Variants in MROH9 observed in about 807,000 individuals in gnomAD.
MROH9 encodes the protein maestro heat-like repeat-containing protein family member 9.
MROH9 carries 92 observed loss-of-function variants against 98.2 expected under a neutral mutation model. That is an observed-to-expected ratio of 0.94 (90% CI 0.79 to 1.11). The LOEUF (loss-of-function observed/expected upper bound fraction) is 1.11, where lower values mean the gene tolerates loss of function less well. Among genes scored for constraint, MROH9 ranks in the 50% most tolerant of loss-of-function variants. MROH9 has a pLI of 0.00. For missense variants in MROH9, 1,057 were observed against 1,014.8 expected (o/e 1.04, Z -0.57); for synonymous variants, 397 against 368.9 (o/e 1.08, Z -0.87).
intron 15 of MROH9, among the ~76,000 whole-genome samples, chr1:171,004,352 C>T: frequency 6.6e-6 from 1 of 152,142 alleles, no homozygotes; most frequent in Non-Finnish European, 1.5e-5. Context: ...CTCTGGCCAC[C>T]CTCCTGATGG....
intron 20 of MROH9, among the ~76,000 whole-genome samples, chr1:171,036,844 T>C (rs1305757425): frequency 6.6e-6 from 1 of 150,440 alleles, no homozygotes; most frequent in Admixed American, 6.6e-5. Context: ...ACCCAAAGAA[T>C]ACATACTATT....
chr1:170,977,696 A>T (rs2101793342), intron 8 of MROH9, among the ~76,000 whole-genome samples: 1 of 152,268 alleles, frequency 6.6e-6, no homozygotes, highest in East Asian at 1.9e-4. Context: ...TGGCACTTCC[A>T]GGATGCCTAC....
intron 3 of MROH9, among the ~76,000 whole-genome samples, chr1:170,948,418 G>T (rs1649417139): frequency 6.6e-6 from 1 of 151,944 alleles, no homozygotes; most frequent in Admixed American, 6.6e-5. Context: ...CATGAGGAGA[G>T]TTGTTAATAA....
intron 3 of MROH9, among the ~76,000 whole-genome samples, chr1:170,956,595 GTT>G (rs5778690): frequency 0.079 from 8,294 of 104,732 alleles, 221 homozygotes; most frequent in South Asian, 0.11. Context: ...TTTTTTTTTT[GTT>G]TTTTTTTTTT....
chr1:170,965,853 T>A (rs1295878444), intron 7 of MROH9, among the ~76,000 whole-genome samples: 1 of 152,158 alleles, frequency 6.6e-6, no homozygotes, highest in Non-Finnish European at 1.5e-5. Context: ...CACATATGGT[T>A]CTACAATTTG....
At chr1:170,964,109 G>T (rs2101895759) in intron 6 of MROH9, among the ~76,000 whole-genome samples, 1 of 152,026 alleles carries the variant, frequency 6.6e-6, no homozygotes, top group Non-Finnish European at 1.5e-5. Flanking sequence ...TTGAATATGT[G>T]GGTTATCTCA....
chr1:171,017,806 C>T (rs569965535), intron 17 of MROH9, among the ~76,000 whole-genome samples: 1 of 152,178 alleles, frequency 6.6e-6, no homozygotes, highest in Non-Finnish European at 1.5e-5. Context: ...CCTCTTCAGG[C>T]TTGACCTGGA....
At chr1:170,955,234 T>C (rs184681651) in intron 3 of MROH9, among the ~76,000 whole-genome samples, 1 of 152,282 alleles carries the variant, frequency 6.6e-6, no homozygotes, top group East Asian at 1.9e-4. Flanking sequence ...GGCATTTGGG[T>C]TGGTTCCACG....
At chr1:171,011,839 AT>A (rs947901887) in intron 15 of MROH9, among the ~76,000 whole-genome samples, 1 of 151,362 alleles carries the variant, frequency 6.6e-6, no homozygotes, top group South Asian at 2.1e-4. Context: ...TCTTAATAGG[AT>A]TTTTTTCCTG....
Position 171,062,179 on chromosome 1 carries a change from G to A in MROH9, c.2329G>A (p.Glu777Lys), listed in dbSNP as rs183157444. 11 of 1,549,114 alleles carry A rather than the reference G, an allele frequency of 7.1e-6. No individual in the cohort carries two copies. The East Asian group carries it at 7.3e-5, about 10-fold the overall frequency. The change falls in exon 21 of 22, where the codon GAA becomes AAA. Residue 777 changes from glutamate to lysine, a missense_variant. Physicochemically the swap from Glu to Lys is moderately conservative, Grantham distance 56 (BLOSUM62 1). Coordinates refer to ENST00000367759, the MANE Select transcript of MROH9 (RefSeq NM_001163629.2). ...GGHLLLRDEI[E>K]VMLDVIERLL... Reference sequence around the variant, plus strand: ...TCATTTACTGCTTAGAGATGAAATCGAAGTCATGCTTGATGGTGAGTATTG... The same window carrying A: ...TCATTTACTGCTTAGAGATGAAATCAAAGTCATGCTTGATGGTGAGTATTG...
intron 1 of MROH9, among the ~76,000 whole-genome samples, chr1:170,943,524 G>A (rs1478539914): frequency 1.3e-5 from 2 of 151,870 alleles, no homozygotes; most frequent in East Asian, 1.9e-4. Flanking sequence ...AGCAGACTAT[G>A]TCCCTAGAAA....
Position 171,016,220 on chromosome 1 carries a change from G to C in MROH9, c.1792G>C (p.Asp598His), listed in dbSNP as rs780524229. The C allele has an allele frequency of 1.3e-6, 2 of 1,538,790 alleles. No individual in the cohort carries two copies. The highest frequency in any genetic ancestry group is 1.4e-5 in the African/African-American group (1 of 72,268). ...CCTGGATGCCTTCCTTTCCAAAGAC[G>C]ATAATGTTGTACTTCAGGCCTTGCT... is the stretch of plus-strand genomic sequence containing the variant. ...AILDAFLSKD[D>H]NVVLQALLTL... The change falls in exon 17 of 22, where the codon GAT becomes CAT. Residue 598 changes from aspartate (D) to histidine (H), a missense_variant. Transcript: ENST00000367759.
intron 20 of MROH9, among the ~76,000 whole-genome samples, chr1:171,033,890 G>C (rs967185809): frequency 6.6e-6 from 1 of 151,994 alleles, no homozygotes. Context: ...AAGAAATAAA[G>C]ATGACTTGAT....
chr1:171,006,872 T>A (rs1651971044), intron 15 of MROH9, among the ~76,000 whole-genome samples: 1 of 152,118 alleles, frequency 6.6e-6, no homozygotes, highest in Admixed American at 6.5e-5. Context: ...GCCTTTCTAA[T>A]TTTATTTAGT....
At chr1:171,053,649 G>A (rs1302932019) in intron 20 of MROH9, among the ~76,000 whole-genome samples, 1 of 152,120 alleles carries the variant, frequency 6.6e-6, no homozygotes, top group East Asian at 1.9e-4. Context: ...ATATATCATT[G>A]TTGCAGTTAT....
chr1:170,945,394 TG>T lies in MROH9; in HGVS notation c.-37-125del, dbSNP rs1649289140. The T allele has an allele frequency of 6.3e-6, 4 of 630,270 alleles. No homozygotes were observed. In the East Asian group the frequency reaches 1.2e-4, roughly 19 times the overall value. 39.0% of individuals were successfully genotyped at this position (630,270 alleles called of 1,614,324 possible). A position where few individuals can be genotyped will look rare whatever the true frequency, so the allele number is the denominator to read the frequency against. ...AGCCTTTAAATTTGTGATAAATTGA[TG>T]CACAGCTATAGAAAATTAACACAAT... On this transcript the variant is annotated intron_variant, in intron 1 of 21. Coordinates refer to ENST00000367759, the MANE Select transcript of MROH9 (RefSeq NM_001163629.2).
chr1:171,046,026 C>A (rs955484581), intron 20 of MROH9, among the ~76,000 whole-genome samples: 1 of 152,058 alleles, frequency 6.6e-6, no homozygotes, highest in African/African-American at 2.4e-5. Flanking sequence ...GCTGAATTGA[C>A]CCTTTTATCA....
intron 2 of MROH9, 143 bp from the exon 3 acceptor site, chr1:170,947,384 T>C: frequency 1.6e-6 from 1 of 629,762 alleles, no homozygotes; most frequent in Admixed American, 2.9e-5. Flanking sequence ...TAAATTTGTC[T>C]ATAGTTTTAG....
intron 3 of MROH9, among the ~76,000 whole-genome samples, chr1:170,953,082 T>G (rs1649618070): frequency 6.6e-6 from 1 of 152,160 alleles, no homozygotes; most frequent in Non-Finnish European, 1.5e-5. Context: ...CATTTTGATT[T>G]GAAACACTGA....
Sources: allele counts gnomAD v4.1 joint callset (sites outside exome capture counted in the v4.1 genomes callset), GRCh38; gene constraint gnomAD v4.1.1; transcripts MANE v1.5; gene names NCBI Gene and HGNC (gene_info 2026-07-23, HGNC 2026-07-21).